The following AURKA variants were observed in gnomAD, a reference collection of about 807,000 sequenced individuals.
AURKA encodes the protein aurora kinase A, also known as aurora 2.
A neutral mutation model predicts 40.9 loss-of-function variants in AURKA; 12 were observed. That is an observed-to-expected ratio of 0.29 (90% confidence interval 0.19 to 0.48). AURKA has a LOEUF of 0.48. Ranked by LOEUF, AURKA falls within the 20% of genes least tolerant of loss-of-function variation. The probability of loss-of-function intolerance (pLI) is 0.99; values close to 1 mark genes in which losing one functional copy is unlikely to be tolerated. For synonymous variants in AURKA, 170 were observed against 164.3 expected, an observed-to-expected ratio of 1.03 and a Z score of -0.26; for missense variants, 322 against 462.1, an observed-to-expected ratio of 0.70 and a Z score of 2.78.
At chr20:56,371,938 A>G (rs181394535) in intron 7 of AURKA, among the ~76,000 whole-genome samples, 27 of 152,354 alleles carry the variant, frequency 1.8e-4, no homozygotes, top group Non-Finnish European at 3.2e-4. Context: ...TGTTCACTAA[A>G]AAAGCAGATG....
At chr20:56,380,372 A>G (rs921432931) in intron 6 of AURKA, among the ~76,000 whole-genome samples, 16 of 151,712 alleles carry the variant, frequency 1.1e-4, no homozygotes, top group Admixed American at 5.9e-4. Flanking sequence ...AAAAAAAAAA[A>G]AAAGAAAGAA....
Position 56,370,211 on chromosome 20 carries a change from A to G in AURKA, c.1159T>C (p.Ser387Pro), listed in dbSNP as rs536637669. The change falls in exon 9 of 9, where the codon TCA becomes CCA. Residue 387 changes from serine to proline, a missense_variant. By Grantham distance (74) the Ser-to-Pro change is moderately conservative. Coordinates refer to ENST00000395915, the MANE Select transcript of AURKA (RefSeq NM_198437.3). ...TTTTGGCAATTTGATGGTTTTGATG[A>G]ATTTGCTGTGATCCAGGGGTGTTCA... ...VLEHPWITAN[S>P]SKPSNCQNKE... The G allele has an allele frequency of 6.2e-6, 10 of 1,613,746 alleles. No homozygotes were observed. The highest frequency in any genetic ancestry group is 3.3e-5 in the South Asian group (3 of 91,060).
chr20:56,384,305 T>C lies in AURKA; in HGVS notation c.339A>G (p.Glu113=), dbSNP rs45461297. 6.2e-7 allele frequency: 1 copy of C among 1,602,312 alleles called. No homozygotes were observed. Residue 113 remains glutamate, a synonymous_variant, in exon 4 of 9, where the codon GAA becomes GAG. Transcript: ENST00000395915. ...PSAPENNPEE[E]LASKQKNEES... ...CTTCATTTTTCTGTTTTGATGCCAGTTCCTCCTCAGGATTATTTTCTATAT... is the reference window on the plus strand; with the variant it reads ...CTTCATTTTTCTGTTTTGATGCCAGCTCCTCCTCAGGATTATTTTCTATAT...
At chr20:56,382,240 G>C (rs1985810894) in intron 5 of AURKA, among the ~76,000 whole-genome samples, 1 of 152,028 alleles carries the variant, frequency 6.6e-6, no homozygotes, top group Admixed American at 6.6e-5. Context: ...ACAGATAAAA[G>C]CAGTGATCAG....
chr20:56,376,012 A>G (rs1373235228), intron 6 of AURKA, among the ~76,000 whole-genome samples: 1 of 152,250 alleles, frequency 6.6e-6, no homozygotes, highest in Non-Finnish European at 1.5e-5. Flanking sequence ...TCAAACAGCT[A>G]TCTGCTTACA....
chr20:56,384,258 A>G lies in AURKA; in HGVS notation c.374+12T>C. 1 of 1,590,284 alleles carries G rather than the reference A, an allele frequency of 6.3e-7. No homozygotes were observed. ...TAGAACAGTACAGAACTTTGTAAAT[A>G]AGAAAGCTTACTTTTTTGATTCTTC... is the stretch of plus-strand genomic sequence containing the variant. On this transcript the variant is annotated intron_variant, in intron 4 of 8. Coordinates refer to ENST00000395915, the MANE Select transcript of AURKA (RefSeq NM_198437.3).
intron 5 of AURKA, 98 bp downstream of exon 5, chr20:56,382,887 G>C (rs1450077926): frequency 1.5e-6 from 2 of 1,309,338 alleles, no homozygotes; most frequent in East Asian, 4.6e-5. Flanking sequence ...CTCGTAAGAG[G>C]GAGTGAAGGG....
Position 56,373,269 on chromosome 20 carries a change from A to G in AURKA, c.854+139T>C. On this transcript the variant is annotated intron_variant, in intron 7 of 8. Transcript: ENST00000395915. This position sits in a 1 kb window ranked among gnomAD's most constrained non-coding sequence, Gnocchi z 5.0. ...AACCCTAGTTTATTATTAAGCCTAA[A>G]TTACTCCAAAGTACTTCTGGGTTAG... 2 of 1,136,216 alleles carry G rather than the reference A, an allele frequency of 1.8e-6. No individual in the cohort carries two copies. The highest frequency in any genetic ancestry group is 2.6e-6 in the Non-Finnish European group (2 of 762,460). The allele number at this position is 1,136,216 out of a possible 1,614,324, so 70.4% of individuals were successfully genotyped here. A position where few individuals can be genotyped will look rare whatever the true frequency, so the allele number is the denominator to read the frequency against.
rs777727345 is a variant in AURKA, at chr20:56,370,152, C to T, written c.*6G>A. The T allele has an allele frequency of 1.7e-5, 27 of 1,612,152 alleles. No individual in the cohort carries two copies. Among genetic ancestry groups the T allele is most frequent in the Admixed American group, 1.0e-4 (6 of 60,000 alleles). The stretch of plus-strand genomic sequence containing the variant: ...TGGCTCAAGGATTTCTCCCCCTGCA[C>T]GATTCCTAAGACTGTTTGCTAGCTG... On this transcript the variant is annotated 3_prime_UTR_variant, in exon 9 of 9. Transcript: ENST00000395915.
chr20:56,375,307 CTTT>C (rs59071872), intron 6 of AURKA, among the ~76,000 whole-genome samples: 2 of 131,860 alleles, frequency 1.5e-5, no homozygotes, highest in Admixed American at 7.7e-5. Context: ...TTTAATCTTT[CTTT>C]TTTTTTTTTT....
intron 7 of AURKA, among the ~76,000 whole-genome samples, chr20:56,370,990 T>G (rs904248526): frequency 1.3e-5 from 2 of 152,238 alleles, no homozygotes; most frequent in African/African-American, 4.8e-5. Context: ...TACATCTGCA[T>G]GTGGATATTA....
intron 6 of AURKA, among the ~76,000 whole-genome samples, chr20:56,380,546 A>G (rs998940380): frequency 6.6e-6 from 1 of 152,196 alleles, no homozygotes; most frequent in African/African-American, 2.4e-5. Context: ...AGAATTCCAG[A>G]TAATTTATGG....
At chr20:56,389,555 A>C (rs1986793584) in intron 1 of AURKA, among the ~76,000 whole-genome samples, 1 of 152,184 alleles carries the variant, frequency 6.6e-6, no homozygotes, top group Non-Finnish European at 1.5e-5. Flanking sequence ...CTACAGGCTG[A>C]GGACTCCCAA....
In AURKA at chr20:56,370,580, G is replaced by T; in HGVS notation, c.934C>A (p.Leu312Ile). Reference sequence around the variant, plus strand: ...TAGCAAAGAACTCCAAGGCTCCAGAGATCCACCTTCTCATCATGCATCCGA... The same window carrying T: ...TAGCAAAGAACTCCAAGGCTCCAGATATCCACCTTCTCATCATGCATCCGA... ...EGRMHDEKVD[L>I]WSLGVLCYEF... The change falls in exon 8 of 9, where the codon CTC becomes ATC. Residue 312 changes from leucine (L) to isoleucine (I), a missense_variant. Physicochemically the swap from Leu to Ile is conservative, Grantham distance 5. Coordinates refer to ENST00000395915, the MANE Select transcript of AURKA (RefSeq NM_198437.3). 1 of 1,614,214 alleles carries T rather than the reference G, an allele frequency of 6.2e-7. No individual in the cohort carries two copies. The highest frequency in any genetic ancestry group is 1.3e-5 in the African/African-American group (1 of 75,044).
At chr20:56,371,600 G>A (rs1600673700) in intron 7 of AURKA, among the ~76,000 whole-genome samples, 1 of 151,822 alleles carries the variant, frequency 6.6e-6, no homozygotes, top group East Asian at 1.9e-4. Flanking sequence ...TGGGAGACTG[G>A]TCTGGCTTTA....
At chr20:56,372,648 A>G (rs1046546594) in intron 7 of AURKA, among the ~76,000 whole-genome samples, 3 of 151,774 alleles carry the variant, frequency 2.0e-5, no homozygotes, top group Non-Finnish European at 4.4e-5. Flanking sequence ...ATTTTAGGCT[A>G]TACTTTTTTT....
chr20:56,390,099 A>C (rs991579374), intron 1 of AURKA, among the ~76,000 whole-genome samples: 2 of 152,042 alleles, frequency 1.3e-5, no homozygotes, highest in African/African-American at 4.8e-5. Context: ...CAAACTCCTA[A>C]CCTGCATAGA....
At chr20:56,380,951 G>A (rs1413057038) in intron 6 of AURKA, among the ~76,000 whole-genome samples, 5 of 152,086 alleles carry the variant, frequency 3.3e-5, no homozygotes, top group African/African-American at 9.7e-5. Context: ...TGGGGTATAT[G>A]GGAACTCTCT....
intron 6 of AURKA, among the ~76,000 whole-genome samples, chr20:56,375,307 CTTTTTTT>C (rs59071872): frequency 1.5e-4 from 20 of 131,862 alleles, no homozygotes; most frequent in East Asian, 4.4e-4. Flanking sequence ...TTTAATCTTT[CTTTTTTT>C]TTTTTTTTTT....
Sources: gnomAD v4.1 joint callset for allele counts (sites outside exome capture counted in the v4.1 genomes callset) on GRCh38, gnomAD v4.1.1 for gene constraint, Gnocchi (gnomAD v3.1) non-coding constraint, MANE v1.5 for transcripts, NCBI Gene and HGNC (gene_info 2026-07-23, HGNC 2026-07-21) for gene names.